ARPC4: variants seen among roughly 807,000 people sequenced by gnomAD.
ARPC4 encodes the protein actin related protein 2/3 complex subunit 4, also known as actin-related protein 2/3 complex subunit 4.
In ARPC4, 3 loss-of-function variants were observed where a neutral mutation model predicts 22.8. The ratio of observed to expected loss-of-function variants is 0.13; its 90% CI spans 0.06 to 0.34. The LOEUF is 0.34. ARPC4 is among the 10% of genes least tolerant of loss of function. The pLI is 1.00. For synonymous variants in ARPC4, 80 were observed against 72.5 expected (o/e 1.10, Z -0.52); for missense variants, 98 against 211.0 (o/e 0.46, Z 3.32).
chr3:9,805,900 C>T (rs979461451), intron 5 of ARPC4, among the ~76,000 whole-genome samples: 15 of 152,240 alleles, frequency 9.9e-5, no homozygotes, highest in African/African-American at 3.6e-4. Flanking sequence ...AAAGCAACCT[C>T]AGTTCACCAG....
intron 1 of ARPC4, among the ~76,000 whole-genome samples, chr3:9,797,061 G>A (rs990365566): frequency 3.4e-5 from 5 of 146,742 alleles, no homozygotes; most frequent in Non-Finnish European, 7.5e-5. Context: ...TATTTCACAT[G>A]TCATCTTTAT....
At position 9,804,010 on chromosome 3, in the gene ARPC4, G is replaced by A; in HGVS notation, c.498G>A (p.Lys166=). Residue 166 remains lysine, a synonymous_variant, in exon 5 of 6, where the codon AAG becomes AAA. Coordinates refer to ENST00000397261, the MANE Select transcript of ARPC4 (RefSeq NM_005718.5). ...RARIVAEEFL[K]NF ...GCATTGTGGCTGAAGAGTTCCTTAA[G>A]AATGTGAGTAGGGGCCTTTAGCTTT... The A allele has an allele frequency of 6.2e-7, 1 of 1,614,068 alleles. No homozygotes were observed. Among genetic ancestry groups the A allele is most frequent in the Non-Finnish European group, 8.5e-7 (1 of 1,180,008 alleles).
At chr3:9,797,099 A>G (rs538563372) in intron 1 of ARPC4, among the ~76,000 whole-genome samples, 1 of 152,256 alleles carries the variant, frequency 6.6e-6, no homozygotes, top group East Asian at 1.9e-4. Flanking sequence ...TATATTTGCT[A>G]TCCAGTTGAG....
chr3:9,805,169 C>T (rs980164427), intron 5 of ARPC4, among the ~76,000 whole-genome samples: 3 of 152,194 alleles, frequency 2.0e-5, no homozygotes, highest in Non-Finnish European at 2.9e-5. Flanking sequence ...TTGGCTCACT[C>T]ACTCAACAAT....
intron 2 of ARPC4, among the ~76,000 whole-genome samples, chr3:9,799,523 A>G (rs1056727906): frequency 1.3e-5 from 2 of 152,010 alleles, no homozygotes; most frequent in Non-Finnish European, 2.9e-5. Flanking sequence ...GCTCACTGCA[A>G]CTGCCACCTC....
At chr3:9,797,574 G>C (rs2078922509) in intron 1 of ARPC4, 85 bp from the exon 2 acceptor site, 1 of 1,470,516 alleles carries the variant, frequency 6.8e-7, no homozygotes, top group African/African-American at 1.4e-5. Context: ...AGTGCTACCT[G>C]GCTTCATGGG....
At position 9,806,464 on chromosome 3, in the gene ARPC4, T is replaced by A; in HGVS notation, c.*249T>A. On this transcript the variant is annotated 3_prime_UTR_variant, in exon 6 of 6. Transcript: ENST00000397261. ...CCCCTGGGCCGGGACAGATTTTTTT[T>A]AACGTCTTGAAACTTAAACTCTGTG... The A allele has an allele frequency of 1.7e-6, 1 of 585,338 alleles. No individual in the cohort carries two copies. Among genetic ancestry groups the A allele is most frequent in the Non-Finnish European group, 3.1e-6 (1 of 327,274 alleles). The allele number at this position is 585,338 out of a possible 1,614,324, so 36.3% of individuals were successfully genotyped here.
At chr3:9,805,932 C>G (rs1387053865) in intron 5 of ARPC4, among the ~76,000 whole-genome samples, 2 of 152,228 alleles carry the variant, frequency 1.3e-5, no homozygotes. Context: ...GCAGGGCTTT[C>G]TAGCAGCCTC....
intron 3 of ARPC4, 94 bp from the exon 4 acceptor site, chr3:9,801,567 C>T: frequency 7.9e-7 from 1 of 1,273,830 alleles, no homozygotes; most frequent in Non-Finnish European, 1.1e-6. Context: ...CTCCTGGGAG[C>T]CTTGAAAAAA....
At chr3:9,793,077 T>G, upstream of ARPC4, 1 of 1,545,860 alleles carries the variant, frequency 6.5e-7, no homozygotes, top group Non-Finnish European at 8.7e-7. Flanking sequence ...ATCGCGGGGC[T>G]GGCCACTTCC....
intron 3 of ARPC4, 141 bp from the exon 4 acceptor site, chr3:9,801,520 C>A (rs754794529): frequency 1.4e-6 from 1 of 720,370 alleles, no homozygotes; most frequent in Non-Finnish European, 2.2e-6. Flanking sequence ...CCAGGTCCCC[C>A]ACTTCAGTGA....
chr3:9,794,887 G>A (rs1280102146), intron 1 of ARPC4, among the ~76,000 whole-genome samples: 2 of 152,088 alleles, frequency 1.3e-5, no homozygotes, highest in South Asian at 2.1e-4. Context: ...TTTAAGTGTG[G>A]CTTCTTACCA....
chr3:9,794,647 C>T (rs2078841273), intron 1 of ARPC4, among the ~76,000 whole-genome samples: 2 of 152,068 alleles, frequency 1.3e-5, no homozygotes, highest in Admixed American at 1.3e-4. Flanking sequence ...AGCCACTGCA[C>T]TTCAGCCTGG....
chr3:9,797,507 G>A (rs1021374819), intron 1 of ARPC4, 152 bp from the exon 2 acceptor site: 18 of 741,982 alleles, frequency 2.4e-5, no homozygotes, highest in East Asian at 1.7e-4. Flanking sequence ...CTTGGAAGGC[G>A]TCTCGAAGGC....
At chr3:9,805,922 G>T (rs992509298) in intron 5 of ARPC4, among the ~76,000 whole-genome samples, 1 of 152,222 alleles carries the variant, frequency 6.6e-6, no homozygotes, top group Admixed American at 6.5e-5. Context: ...CAGGACGCTG[G>T]CAGGGCTTTC....
Position 9,806,340 on chromosome 3 carries a change from C to A in ARPC4, c.*125C>A. 3 of 1,106,542 alleles carry A rather than the reference C, an allele frequency of 2.7e-6. No homozygotes were observed. The highest frequency in any genetic ancestry group is 4.2e-6 in the Non-Finnish European group (3 of 720,158). The allele number at this position is 1,106,542 out of a possible 1,614,324, so 68.5% of individuals were successfully genotyped here. ...GTTGGGTTGGGGTGGGCATTTGATG[C>A]GGGAGGTGGGTGGTGTGCTTGCTAG... On this transcript the variant is annotated 3_prime_UTR_variant, in exon 6 of 6. Coordinates refer to ENST00000397261, the MANE Select transcript of ARPC4 (RefSeq NM_005718.5).
intron 1 of ARPC4, 51 bp from the exon 2 acceptor site, chr3:9,797,608 T>C: frequency 6.3e-7 from 1 of 1,585,740 alleles, no homozygotes; most frequent in Non-Finnish European, 8.6e-7. Flanking sequence ...GATCGGTGGG[T>C]TTGGCGTGAC....
At chr3:9,793,037 C>T (rs913121089), upstream of ARPC4, 3 of 1,541,508 alleles carry the variant, frequency 1.9e-6, no homozygotes, top group Non-Finnish European at 1.7e-6. Context: ...GGGCGGAGAC[C>T]GTAGCTGCGC....
At chr3:9,794,225 C>T (rs764718120) in intron 1 of ARPC4, among the ~76,000 whole-genome samples, 5 of 152,188 alleles carry the variant, frequency 3.3e-5, no homozygotes, top group Non-Finnish European at 7.3e-5. Context: ...AAAGGCCAGG[C>T]GTGGTGGCTC....
Sources: gnomAD v4.1 joint callset for allele counts (sites outside exome capture counted in the v4.1 genomes callset) on GRCh38, gnomAD v4.1.1 for gene constraint, MANE v1.5 for transcripts, NCBI Gene and HGNC (gene_info 2026-07-23, HGNC 2026-07-21) for gene names.